The following KLF12 variants were observed in gnomAD, a reference collection of about 807,000 sequenced individuals.
The protein encoded by KLF12 is Krueppel-like factor 12.
A neutral mutation model predicts 37.8 loss-of-function variants in KLF12; 9 were observed. The observed-to-expected ratio is 0.24, with a 90% CI of 0.14 to 0.42. KLF12 has a LOEUF of 0.42. KLF12 is among the 10% of genes least tolerant of loss of function. The pLI is 1.00. For synonymous variants in KLF12, 208 were observed against 202.1 expected (o/e 1.03, Z -0.25); for missense variants, 411 against 516.0 (o/e 0.80, Z 1.97).
At chr13:74,249,336 TCACACACACACACA>T in the KLF12 span, among the ~76,000 whole-genome samples, 6 of 74,152 alleles carry the variant, frequency 8.1e-5, no homozygotes, top group South Asian at 6.2e-4. Flanking sequence ...AGCAGGAGCA[TCACACACACACACA>T]CACACACACA....
chr13:73,812,255 CA>C (rs1472352863), intron 5 of KLF12, among the ~76,000 whole-genome samples: 1 of 151,804 alleles, frequency 6.6e-6, no homozygotes, highest in African/African-American at 2.4e-5. Flanking sequence ...AGATACTGGT[CA>C]AAGGGTACAA....
chr13:73,924,610 A>C (rs757109887), intron 3 of KLF12, among the ~76,000 whole-genome samples: 5 of 152,062 alleles, frequency 3.3e-5, no homozygotes, highest in African/African-American at 4.8e-5. Context: ...TAAGTATTGA[A>C]ATTAGGCCAA....
At chr13:74,209,522 T>A in the KLF12 span, among the ~76,000 whole-genome samples, 2 of 145,890 alleles carry the variant, frequency 1.4e-5, no homozygotes, top group African/African-American at 5.1e-5. Flanking sequence ...AACATCTTAG[T>A]CACACACACA....
the KLF12 span, among the ~76,000 whole-genome samples, chr13:74,251,505 C>T: frequency 6.6e-6 from 1 of 152,090 alleles, no homozygotes; most frequent in East Asian, 1.9e-4. Flanking sequence ...CTTTTCAAAA[C>T]TTCATTGTGG....
At chr13:74,241,606 C>G in the KLF12 span, among the ~76,000 whole-genome samples, 1,827 of 152,308 alleles carry the variant, frequency 0.012, 30 homozygotes, top group South Asian at 0.016. Context: ...AGCGAGACTC[C>G]GTGGGCGTAG....
At chr13:74,125,507 A>G (rs903214549) in intron 1 of KLF12, among the ~76,000 whole-genome samples, 3 of 152,188 alleles carry the variant, frequency 2.0e-5, no homozygotes, top group African/African-American at 7.2e-5. Context: ...AGTCAAACGG[A>G]TAACTGAGGC....
At chr13:74,012,906 C>T (rs549734335) in intron 1 of KLF12, among the ~76,000 whole-genome samples, 9 of 152,312 alleles carry the variant, frequency 5.9e-5, no homozygotes, top group African/African-American at 2.2e-4. Context: ...CTAACTATCC[C>T]TGCCTTACTT....
intron 2 of KLF12, among the ~76,000 whole-genome samples, chr13:73,947,815 T>A (rs1334029058): frequency 6.6e-6 from 1 of 152,082 alleles, no homozygotes; most frequent in Non-Finnish European, 1.5e-5. Context: ...CCAGAACTCA[T>A]AAAAACATAC....
intron 2 of KLF12, among the ~76,000 whole-genome samples, chr13:73,953,222 G>A (rs1422634186): frequency 1.3e-5 from 2 of 152,086 alleles, no homozygotes; most frequent in East Asian, 1.9e-4. Flanking sequence ...TACACAGAGG[G>A]AAAGATTTCT....
chr13:74,221,679 C>A, the KLF12 span, among the ~76,000 whole-genome samples: 1 of 152,074 alleles, frequency 6.6e-6, no homozygotes, highest in Non-Finnish European at 1.5e-5. Flanking sequence ...GCTTATTAGA[C>A]CCAATTTATA....
the KLF12 span, among the ~76,000 whole-genome samples, chr13:74,264,132 A>T: frequency 2.0e-5 from 3 of 152,230 alleles, no homozygotes; most frequent in African/African-American, 7.2e-5. Context: ...ACTTTCCATT[A>T]CTTGGAATCC....
the KLF12 span, among the ~76,000 whole-genome samples, chr13:74,275,885 CTT>C: frequency 1.1e-5 from 1 of 90,208 alleles, no homozygotes; most frequent in Non-Finnish European, 2.1e-5. Context: ...TTTCTTCTTT[CTT>C]TCTTTCTTTC....
At chr13:74,096,767 G>A (rs190304915) in intron 1 of KLF12, among the ~76,000 whole-genome samples, 3 of 152,250 alleles carry the variant, frequency 2.0e-5, no homozygotes, top group African/African-American at 7.2e-5. Context: ...AATGAGAAGG[G>A]AGATACATAG....
At chr13:74,067,429 G>A (rs1428781938) in intron 1 of KLF12, among the ~76,000 whole-genome samples, 1 of 152,168 alleles carries the variant, frequency 6.6e-6, no homozygotes, top group Non-Finnish European at 1.5e-5. Flanking sequence ...GCAAAGACCT[G>A]TTTGGCATTA....
chr13:73,953,897 T>A (rs1330783957), intron 2 of KLF12, among the ~76,000 whole-genome samples: 2 of 152,062 alleles, frequency 1.3e-5, no homozygotes, highest in Non-Finnish European at 2.9e-5. Flanking sequence ...ACCTTAATTT[T>A]TTCTTTGGCA....
At chr13:73,869,880 G>A (rs1886381707) in intron 3 of KLF12, among the ~76,000 whole-genome samples, 1 of 152,090 alleles carries the variant, frequency 6.6e-6, no homozygotes, top group African/African-American at 2.4e-5. Flanking sequence ...CAGTTCTGTG[G>A]CCCTGGCTAA....
In KLF12 at chr13:73,914,777, C is replaced by A. The variant is rs117832400; in HGVS notation, c.123+29204G>T. Among the ~76,000 whole-genome samples, 1,176 of 152,152 alleles carry A rather than the reference C, an allele frequency of 7.7e-3. 6 individuals carry two copies. Among genetic ancestry groups the A allele is most frequent in the Non-Finnish European group, 0.012 (836 of 68,004 alleles). Reference sequence around the variant, plus strand: ...AATGGTCTGGGTGGGGGGTGATGGGCAGGGGAACTATGTGTTTTCCATTTA... The same window carrying A: ...AATGGTCTGGGTGGGGGGTGATGGGAAGGGGAACTATGTGTTTTCCATTTA... On this transcript the variant is annotated intron_variant, in intron 3 of 7. Transcript: ENST00000377669.
At chr13:74,031,206 G>A (rs886481712) in intron 1 of KLF12, among the ~76,000 whole-genome samples, 1 of 151,986 alleles carries the variant, frequency 6.6e-6, no homozygotes, top group African/African-American at 2.4e-5. Context: ...CCTTGACTAA[G>A]TCTCCTCTAG....
At chr13:74,032,562 C>T (rs1893141526) in intron 1 of KLF12, among the ~76,000 whole-genome samples, 1 of 152,304 alleles carries the variant, frequency 6.6e-6, no homozygotes, top group African/African-American at 2.4e-5. Context: ...AGTGTCAACT[C>T]AACGCTTGCT....
Sources: gnomAD v4.1 joint callset for allele counts (sites outside exome capture counted in the v4.1 genomes callset) on GRCh38, gnomAD v4.1.1 for gene constraint, MANE v1.5 for transcripts, NCBI Gene and HGNC (gene_info 2026-07-23, HGNC 2026-07-21) for gene names.